Variants in MTHFD1 observed in about 807,000 individuals in gnomAD.
The protein encoded by MTHFD1 is C-1-tetrahydrofolate synthase, cytoplasmic.
In MTHFD1, 44 loss-of-function variants were observed where a neutral mutation model predicts 110.3. The observed-to-expected ratio is 0.40, with a 90% confidence interval of 0.31 to 0.51. The LOEUF (loss-of-function observed/expected upper bound fraction) is 0.51, where lower values mean the gene tolerates loss of function less well. Ranked by LOEUF, MTHFD1 falls within the 20% of genes least tolerant of loss-of-function variation. The probability of loss-of-function intolerance (pLI) is 0.60; values close to 1 mark genes in which losing one functional copy is unlikely to be tolerated. For missense variants in MTHFD1, 909 were observed against 1,173.1 expected (o/e 0.77, Z 3.29); for synonymous variants, 402 against 428.8 (o/e 0.94, Z 0.77).
At chr14:64,409,968 C>T (rs182767977) in intron 2 of MTHFD1, among the ~76,000 whole-genome samples, 1 of 152,216 alleles carries the variant, frequency 6.6e-6, no homozygotes, top group Non-Finnish European at 1.5e-5. Context: ...GGACCACCAC[C>T]TTTCCCTCTG....
chr14:64,451,028 G>T (rs1422800306), intron 24 of MTHFD1, among the ~76,000 whole-genome samples: 1 of 152,106 alleles, frequency 6.6e-6, no homozygotes, highest in Non-Finnish European at 1.5e-5. Flanking sequence ...AATTAGCTGG[G>T]TGTGGTGGCA....
At chr14:64,411,795 G>C (rs2077987191) in intron 3 of MTHFD1, among the ~76,000 whole-genome samples, 1 of 152,260 alleles carries the variant, frequency 6.6e-6, no homozygotes, top group Non-Finnish European at 1.5e-5. Flanking sequence ...CAGCTACTCG[G>C]GAGGCTGAGG....
At chr14:64,397,639 C>T (rs2077868750) in intron 1 of MTHFD1, among the ~76,000 whole-genome samples, 1 of 152,118 alleles carries the variant, frequency 6.6e-6, no homozygotes, top group Non-Finnish European at 1.5e-5. Context: ...CTTCTCTGAT[C>T]AGTTACTAAA....
chr14:64,453,666 G>T, intron 24 of MTHFD1, 88 bp from the exon 25 acceptor site: 1 of 776,398 alleles, frequency 1.3e-6, no homozygotes, highest in Non-Finnish European at 2.3e-6. Context: ...CCCTTTTAGG[G>T]ACTCTGACCT....
intron 11 of MTHFD1, among the ~76,000 whole-genome samples, chr14:64,426,793 T>C (rs1294055112): frequency 6.6e-6 from 1 of 152,144 alleles, no homozygotes; most frequent in African/African-American, 2.4e-5. Context: ...GAACCCAAAA[T>C]TCATTAATTC....
chr14:64,433,937 A>G (rs1349153420), intron 15 of MTHFD1, among the ~76,000 whole-genome samples: 1 of 151,848 alleles, frequency 6.6e-6, no homozygotes, highest in Non-Finnish European at 1.5e-5. Context: ...GGCTGACACA[A>G]GAGAATCGCT....
intron 11 of MTHFD1, 145 bp from the exon 12 acceptor site, chr14:64,427,192 A>T (rs1423974052): frequency 1.1e-5 from 10 of 888,228 alleles, no homozygotes; most frequent in Admixed American, 8.1e-5. Flanking sequence ...TATAGCTGGG[A>T]CTACAGGCAT....
chr14:64,436,993 G>T (rs1187691935), intron 16 of MTHFD1, among the ~76,000 whole-genome samples: 1 of 152,012 alleles, frequency 6.6e-6, no homozygotes, highest in Non-Finnish European at 1.5e-5. Flanking sequence ...CAGCAAGAGT[G>T]GGGGGTGTGT....
At chr14:64,439,397 A>C in intron 17 of MTHFD1, 1 of 583,496 alleles carries the variant, frequency 1.7e-6, no homozygotes, top group Non-Finnish European at 3.1e-6. Context: ...TTTTTCCTGG[A>C]GGTGGAGAGC....
intron 22 of MTHFD1, among the ~76,000 whole-genome samples, chr14:64,446,677 G>A (rs935369433): frequency 1.2e-4 from 18 of 152,120 alleles, no homozygotes; most frequent in African/African-American, 3.6e-4. Flanking sequence ...AAGAAGCTGC[G>A]ACTACAAGCA....
chr14:64,418,320 A>G (rs1269766034), intron 7 of MTHFD1, among the ~76,000 whole-genome samples: 1 of 151,558 alleles, frequency 6.6e-6, no homozygotes, highest in Non-Finnish European at 1.5e-5. Context: ...TGGGGTGGGC[A>G]CATGCCTGTA....
intron 24 of MTHFD1, 124 bp downstream of exon 24, chr14:64,449,746 T>A: frequency 3.5e-6 from 4 of 1,135,910 alleles, no homozygotes; most frequent in Non-Finnish European, 5.1e-6. Context: ...GATTCCCACG[T>A]AGGTGACTTA....
At chr14:64,444,091 G>A (rs981568632) in intron 21 of MTHFD1, among the ~76,000 whole-genome samples, 1 of 151,744 alleles carries the variant, frequency 6.6e-6, no homozygotes, top group Non-Finnish European at 1.5e-5. Context: ...GCTGAGCCAC[G>A]GCATAGATCA....
rs2078162907 is a variant in MTHFD1, at chr14:64,431,848, T to C, written c.1481T>C (p.Ile494Thr). 1 of 1,614,082 alleles carries C rather than the reference T, an allele frequency of 6.2e-7. No homozygotes were observed. The highest frequency in any genetic ancestry group is 8.5e-7 in the Non-Finnish European group (1 of 1,179,934). ...NGVRRFSDIQ[I>T]RRLKRLGIEK... Reference sequence around the variant, plus strand: ...GTGAGAAGGTTCTCTGACATCCAAATCCGAAGGTTAAAGGTAAGCTTTTTT... The same window carrying C: ...GTGAGAAGGTTCTCTGACATCCAAACCCGAAGGTTAAAGGTAAGCTTTTTT... Residue 494 changes from isoleucine to threonine, a missense_variant, in exon 15 of 28, where the codon ATC (isoleucine) becomes ACC (threonine). By Grantham distance (89) the Ile-to-Thr change is moderately conservative. Transcript: ENST00000652337.
chr14:64,394,127 A>C (rs2077828503), intron 1 of MTHFD1, among the ~76,000 whole-genome samples: 1 of 152,070 alleles, frequency 6.6e-6, no homozygotes, highest in South Asian at 2.1e-4. Context: ...AGCTTCTGTC[A>C]CCCTGTAAAT....
chr14:64,414,824 G>A (rs1170944187), intron 4 of MTHFD1, among the ~76,000 whole-genome samples: 1 of 151,870 alleles, frequency 6.6e-6, no homozygotes, highest in Non-Finnish European at 1.5e-5. Context: ...CGAGTAGCTA[G>A]GATTACAGGC....
Position 64,435,387 on chromosome 14 carries a change from A to G in MTHFD1, c.1495-182A>G, listed in dbSNP as rs532050034. On this transcript the variant is annotated intron_variant, in intron 15 of 27. Coordinates refer to ENST00000652337, the MANE Select transcript of MTHFD1 (RefSeq NM_005956.4). Reference sequence around the variant, plus strand: ...ACCTACTTGGAGATAATTTTTTGTAATGTCTTTCTTTAGGCTGACAGTAGG... The same window carrying G: ...ACCTACTTGGAGATAATTTTTTGTAGTGTCTTTCTTTAGGCTGACAGTAGG... Among the ~76,000 whole-genome samples, 12 of 152,112 alleles carry G rather than the reference A, an allele frequency of 7.9e-5. No homozygotes were observed. In the East Asian group the frequency reaches 2.1e-3, roughly 27 times the overall value.
intron 12 of MTHFD1, 27 bp downstream of exon 12, chr14:64,427,500 GTGACAGGGGACC>G: frequency 6.2e-7 from 1 of 1,613,390 alleles, no homozygotes; most frequent in South Asian, 1.1e-5. Flanking sequence ...ACCATGGGTG[GTGACAGGGGACC>G]TGCTTCTCCT....
At chr14:64,449,923 G>T (rs761051514) in intron 24 of MTHFD1, among the ~76,000 whole-genome samples, 11 of 152,256 alleles carry the variant, frequency 7.2e-5, no homozygotes, top group Admixed American at 2.0e-4. Context: ...CAAGTAGCTG[G>T]GATTACAGGC....
Sources: gnomAD v4.1 joint callset for allele counts (sites outside exome capture counted in the v4.1 genomes callset) on GRCh38, gnomAD v4.1.1 for gene constraint, MANE v1.5 for transcripts, NCBI Gene and HGNC (gene_info 2026-07-23, HGNC 2026-07-21) for gene names.